Variants in GBE1 observed in about 807,000 individuals in gnomAD.
GBE1 encodes the protein 1,4-alpha-glucan-branching enzyme.
In GBE1, 70 loss-of-function variants were observed where a neutral mutation model predicts 88.8. That is an observed-to-expected ratio of 0.79 (90% CI 0.65 to 0.96). The LOEUF is 0.96. Among genes scored for constraint, GBE1 ranks in the 40% least tolerant of loss-of-function variants. The probability of loss-of-function intolerance (pLI) is 0.00; values close to 1 mark genes in which losing one functional copy is unlikely to be tolerated. For missense variants in GBE1, 872 were observed against 871.0 expected (o/e 1.00, Z -0.01); for synonymous variants, 284 against 300.1 (o/e 0.95, Z 0.56).
At chr3:81,694,895 T>C (rs566271386) in intron 2 of GBE1, among the ~76,000 whole-genome samples, 1 of 152,210 alleles carries the variant, frequency 6.6e-6, no homozygotes, top group African/African-American at 2.4e-5. Context: ...GACCTCAGGC[T>C]TCATTATAAT....
intron 12 of GBE1, among the ~76,000 whole-genome samples, chr3:81,550,337 T>A (rs1703255624): frequency 6.6e-6 from 1 of 151,340 alleles, no homozygotes; most frequent in Non-Finnish European, 1.5e-5. Flanking sequence ...ACTGAGCTCC[T>A]CTCTACCCTG....
At chr3:81,664,699 T>G (rs957744865) in intron 3 of GBE1, among the ~76,000 whole-genome samples, 3 of 152,194 alleles carry the variant, frequency 2.0e-5, no homozygotes, top group Non-Finnish European at 2.9e-5. Flanking sequence ...ATAGTTCTAT[T>G]CACATGAACA....
At chr3:81,525,948 G>T (rs1217285125) in intron 14 of GBE1, among the ~76,000 whole-genome samples, 1 of 151,906 alleles carries the variant, frequency 6.6e-6, no homozygotes, top group Non-Finnish European at 1.5e-5. Context: ...CTTCCTAGCG[G>T]TCTATCAATT....
chr3:81,569,448 T>G (rs1024738511), intron 12 of GBE1, among the ~76,000 whole-genome samples: 3 of 152,188 alleles, frequency 2.0e-5, no homozygotes, highest in Admixed American at 2.0e-4. Flanking sequence ...ATTCCACCAG[T>G]GAGTAGAAGA....
Position 81,586,086 on chromosome 3 carries a change from T to C in GBE1, c.1335+6A>G. 1 of 1,568,526 alleles carries C rather than the reference T, an allele frequency of 6.4e-7. No individual in the cohort carries two copies. The highest frequency in any genetic ancestry group is 8.7e-7 in the Non-Finnish European group (1 of 1,143,546). ...AGAAACAAAAAATATTTACATGGAC[T>C]CTTACCTGAATCCACTTATCTGGAA... On this transcript the variant is annotated splice_donor_region_variant and intron_variant, in intron 10 of 15. Transcript: ENST00000429644.
chr3:81,610,247 CTTGACCT>C (rs1704161204), intron 7 of GBE1, among the ~76,000 whole-genome samples: 1 of 152,164 alleles, frequency 6.6e-6, no homozygotes, highest in Non-Finnish European at 1.5e-5. Flanking sequence ...GATACAACCC[CTTGACCT>C]TTGATACAGC....
intron 12 of GBE1, among the ~76,000 whole-genome samples, chr3:81,571,851 A>T (rs1366084302): frequency 1.3e-5 from 2 of 152,214 alleles, no homozygotes; most frequent in Non-Finnish European, 2.9e-5. Context: ...ACTGGCAGTA[A>T]GCTATTGATA....
intron 12 of GBE1, among the ~76,000 whole-genome samples, chr3:81,575,296 A>C (rs772742055): frequency 9.9e-5 from 15 of 152,182 alleles, no homozygotes; most frequent in South Asian, 2.1e-4. Context: ...CTATTTATTC[A>C]TAAAACCATT....
intron 7 of GBE1, among the ~76,000 whole-genome samples, chr3:81,626,021 T>G (rs1704409709): frequency 6.6e-6 from 1 of 152,322 alleles, no homozygotes; most frequent in East Asian, 1.9e-4. Flanking sequence ...CCTTAACTTG[T>G]ATGTTGTAAA....
chr3:81,559,665 G>T (rs1255310605), intron 12 of GBE1, among the ~76,000 whole-genome samples: 1 of 151,834 alleles, frequency 6.6e-6, no homozygotes, highest in Non-Finnish European at 1.5e-5. Context: ...CTTGAAGATA[G>T]CCACGTTGCT....
At chr3:81,513,919 A>G (rs374649536) in intron 14 of GBE1, among the ~76,000 whole-genome samples, 2 of 151,830 alleles carry the variant, frequency 1.3e-5, no homozygotes, top group African/African-American at 4.8e-5. Context: ...GATAGTCAAT[A>G]TTCTAGAGCT....
At chr3:81,591,243 G>T in intron 8 of GBE1, 79 bp from the exon 9 acceptor site, 2 of 1,116,878 alleles carry the variant, frequency 1.8e-6, no homozygotes, top group Non-Finnish European at 2.5e-6. Flanking sequence ...TCACCAATTA[G>T]TTTGTTTATA....
At chr3:81,685,118 A>G (rs933889586) in intron 2 of GBE1, among the ~76,000 whole-genome samples, 2 of 152,198 alleles carry the variant, frequency 1.3e-5, no homozygotes, top group East Asian at 3.9e-4. Context: ...CATGCATTGT[A>G]CCAAGTAGCT....
At chr3:81,703,117 T>C (rs1705724702) in intron 2 of GBE1, among the ~76,000 whole-genome samples, 1 of 151,994 alleles carries the variant, frequency 6.6e-6, no homozygotes, top group Non-Finnish European at 1.5e-5. Flanking sequence ...TGCATGGAAT[T>C]TTAAAAAAGA....
At chr3:81,589,299 T>C (rs1298272110) in intron 9 of GBE1, among the ~76,000 whole-genome samples, 5 of 151,850 alleles carry the variant, frequency 3.3e-5, no homozygotes, top group African/African-American at 7.2e-5. Context: ...ATTTTTGTAA[T>C]TGTCATTATA....
intron 1 of GBE1, among the ~76,000 whole-genome samples, chr3:81,715,210 T>C (rs6793049): frequency 6.2e-4 from 95 of 152,296 alleles, no homozygotes; most frequent in Middle Eastern, 6.8e-3. Context: ...TAAAAGGAGA[T>C]ATATCGTCTC....
intron 3 of GBE1, among the ~76,000 whole-genome samples, chr3:81,658,139 C>T (rs1266249331): frequency 6.6e-6 from 1 of 151,858 alleles, no homozygotes; most frequent in Non-Finnish European, 1.5e-5. Flanking sequence ...AAACAAGAAA[C>T]CTTTCCAAGG....
intron 2 of GBE1, among the ~76,000 whole-genome samples, chr3:81,679,110 T>C (rs1193195980): frequency 6.6e-6 from 1 of 152,132 alleles, no homozygotes. Context: ...GTGAAAAGAA[T>C]ATAGAACCTT....
chr3:81,756,213 T>C (rs949007742), intron 1 of GBE1, among the ~76,000 whole-genome samples: 2 of 152,210 alleles, frequency 1.3e-5, no homozygotes, highest in Non-Finnish European at 1.5e-5. Context: ...ATTAAGAAGC[T>C]ATTTTCTTGA....
Sources: gnomAD v4.1 joint callset for allele counts (sites outside exome capture counted in the v4.1 genomes callset) on GRCh38, gnomAD v4.1.1 for gene constraint, MANE v1.5 for transcripts, NCBI Gene and HGNC (gene_info 2026-07-23, HGNC 2026-07-21) for gene names.